CNTNAP2: variants seen among roughly 807,000 people sequenced by gnomAD.
The protein encoded by CNTNAP2 is contactin associated protein 2, also known as contactin-associated protein-like 2.
A neutral mutation model predicts 155.2 loss-of-function variants in CNTNAP2; 98 were observed. The observed-to-expected ratio is 0.63, with a 90% confidence interval of 0.54 to 0.75. CNTNAP2 has a LOEUF of 0.75. CNTNAP2 is among the 30% of genes least tolerant of loss of function. The pLI, the probability that CNTNAP2 is intolerant of heterozygous loss-of-function variation, is 0.00. For missense variants in CNTNAP2, 1,727 were observed against 1,688.1 expected (o/e 1.02, Z -0.40); for synonymous variants, 651 against 631.2 (o/e 1.03, Z -0.47).
intron 7 of CNTNAP2, among the ~76,000 whole-genome samples, chr7:147,130,307 C>T (rs1158040362): frequency 6.6e-6 from 1 of 151,742 alleles, no homozygotes; most frequent in Non-Finnish European, 1.5e-5. Context: ...AAAAAATTAG[C>T]TGGGCATAAT....
intron 1 of CNTNAP2, among the ~76,000 whole-genome samples, chr7:146,158,627 G>A (rs1266323610): frequency 1.3e-5 from 2 of 152,122 alleles, no homozygotes; most frequent in Non-Finnish European, 2.9e-5. Context: ...TCAATCAAGT[G>A]GAAGAAAGGG....
At chr7:146,910,482 GC>G (rs1796248809) in intron 3 of CNTNAP2, among the ~76,000 whole-genome samples, 1 of 150,252 alleles carries the variant, frequency 6.7e-6, no homozygotes. Context: ...ACAGAACAGA[GC>G]CCTCAGAAAT....
chr7:147,093,989 C>T (rs1207627269), intron 4 of CNTNAP2, among the ~76,000 whole-genome samples: 1 of 152,220 alleles, frequency 6.6e-6, no homozygotes, highest in East Asian at 1.9e-4. Flanking sequence ...TCTGCAGTAG[C>T]CCCACCTCCA....
At chr7:147,541,117 G>A (rs1799631498) in intron 11 of CNTNAP2, among the ~76,000 whole-genome samples, 1 of 152,142 alleles carries the variant, frequency 6.6e-6, no homozygotes, top group African/African-American at 2.4e-5. Context: ...ATACGATATA[G>A]GGGGAAGATG....
intron 1 of CNTNAP2, among the ~76,000 whole-genome samples, chr7:146,592,462 T>C (rs1458328629): frequency 1.3e-5 from 2 of 152,180 alleles, no homozygotes; most frequent in Non-Finnish European, 2.9e-5. Flanking sequence ...ACTGAGAAGC[T>C]GTATTATTTG....
intron 20 of CNTNAP2, among the ~76,000 whole-genome samples, chr7:148,256,229 T>C (rs1796451300): frequency 6.6e-6 from 1 of 152,124 alleles, no homozygotes; most frequent in African/African-American, 2.4e-5. Context: ...AGTTGAATAG[T>C]GCCCTGAAAA....
At chr7:146,959,001 TTTTTA>T (rs200690975) in intron 3 of CNTNAP2, among the ~76,000 whole-genome samples, 4 of 151,908 alleles carry the variant, frequency 2.6e-5, no homozygotes, top group Non-Finnish European at 5.9e-5. Flanking sequence ...GATAATGACT[TTTTTA>T]TTTTATTTTA....
At chr7:147,691,235 T>G (rs185189806) in intron 13 of CNTNAP2, among the ~76,000 whole-genome samples, 2 of 152,186 alleles carry the variant, frequency 1.3e-5, no homozygotes, top group Non-Finnish European at 2.9e-5. Context: ...CTATTCTATA[T>G]GTAATGACTG....
chr7:146,809,280 T>A (rs1418325710), intron 2 of CNTNAP2, among the ~76,000 whole-genome samples: 2 of 152,174 alleles, frequency 1.3e-5, no homozygotes, highest in African/African-American at 2.4e-5. Flanking sequence ...GTAATGTGAT[T>A]GTCTTGATTT....
intron 13 of CNTNAP2, among the ~76,000 whole-genome samples, chr7:147,741,219 A>G (rs1225129766): frequency 6.6e-6 from 1 of 152,264 alleles, no homozygotes; most frequent in Admixed American, 6.5e-5. Context: ...GTGCATGACT[A>G]GATGGACCTT....
chr7:147,190,201 A>T (rs1023045434), intron 8 of CNTNAP2, among the ~76,000 whole-genome samples: 11 of 152,148 alleles, frequency 7.2e-5, no homozygotes, highest in African/African-American at 2.7e-4. Flanking sequence ...TGACCATTTC[A>T]CTGCACCTCA....
At chr7:147,269,222 T>C (rs1259036539) in intron 8 of CNTNAP2, among the ~76,000 whole-genome samples, 1 of 152,190 alleles carries the variant, frequency 6.6e-6, no homozygotes, top group Non-Finnish European at 1.5e-5. Flanking sequence ...CCATAAGATA[T>C]TTCAAAATGC....
intron 1 of CNTNAP2, among the ~76,000 whole-genome samples, chr7:146,644,751 G>T (rs149216535): frequency 5.3e-5 from 8 of 152,022 alleles, no homozygotes; most frequent in South Asian, 4.2e-4. Flanking sequence ...TAAATTCCTC[G>T]ACACATACAC....
At chr7:146,742,784 T>G (rs1260997725) in intron 1 of CNTNAP2, among the ~76,000 whole-genome samples, 1 of 152,188 alleles carries the variant, frequency 6.6e-6, no homozygotes, top group Non-Finnish European at 1.5e-5. Context: ...ATAGATATAT[T>G]CGGGAAACGA....
chr7:147,615,193 G>T (rs1000844952), intron 12 of CNTNAP2, among the ~76,000 whole-genome samples: 5 of 138,294 alleles, frequency 3.6e-5, no homozygotes, highest in Admixed American at 1.6e-4. Flanking sequence ...GAGCCTGGGA[G>T]GTTGATGCTG....
chr7:147,340,953 C>T (rs139590529), intron 9 of CNTNAP2, among the ~76,000 whole-genome samples: 17 of 152,144 alleles, frequency 1.1e-4, no homozygotes, highest in East Asian at 1.9e-4. Flanking sequence ...CAGCTGCCAC[C>T]GCTAGATGCT....
intron 1 of CNTNAP2, among the ~76,000 whole-genome samples, chr7:146,449,988 A>G (rs886526320): frequency 2.0e-5 from 3 of 152,188 alleles, no homozygotes; most frequent in Non-Finnish European, 4.4e-5. Flanking sequence ...ATTTCTATAC[A>G]GAACACAATT....
intron 11 of CNTNAP2, among the ~76,000 whole-genome samples, chr7:147,547,855 G>A (rs771794636): frequency 1.3e-4 from 19 of 151,988 alleles, no homozygotes; most frequent in South Asian, 4.1e-4. Context: ...GAGAACATGC[G>A]GTGTTGGGTT....
At chr7:148,210,990 C>T (rs1208859205) in intron 18 of CNTNAP2, among the ~76,000 whole-genome samples, 1 of 152,220 alleles carries the variant, frequency 6.6e-6, no homozygotes. Flanking sequence ...AGAGTTGTGC[C>T]ATGCAGATTG....
Sources: gnomAD v4.1 joint callset for allele counts (sites outside exome capture counted in the v4.1 genomes callset) on GRCh38, gnomAD v4.1.1 for gene constraint, MANE v1.5 for transcripts, NCBI Gene and HGNC (gene_info 2026-07-23, HGNC 2026-07-21) for gene names.